The following SEC22A variants were observed in gnomAD, a reference collection of about 807,000 sequenced individuals.
SEC22A encodes the protein SEC22 homolog A, vesicle trafficking protein, also known as vesicle-trafficking protein SEC22a.
A neutral mutation model predicts 35.3 loss-of-function variants in SEC22A; 22 were observed. The ratio of observed to expected loss-of-function variants is 0.62; its 90% CI spans 0.45 to 0.89. SEC22A has a LOEUF of 0.89. Ranked by LOEUF, SEC22A falls within the 40% of genes least tolerant of loss-of-function variation. The probability of loss-of-function intolerance (pLI) is 0.00; values close to 1 mark genes in which losing one functional copy is unlikely to be tolerated. For synonymous variants in SEC22A, 119 were observed against 129.5 expected (o/e 0.92, Z 0.55); for missense variants, 354 against 362.5 (o/e 0.98, Z 0.19).
chr3:123,235,328 C>T (rs1461066895), intron 4 of SEC22A, among the ~76,000 whole-genome samples: 1 of 152,084 alleles, frequency 6.6e-6, no homozygotes, highest in African/African-American at 2.4e-5. Context: ...ACTGTTACAA[C>T]TAAACGATAA....
intron 5 of SEC22A, among the ~76,000 whole-genome samples, chr3:123,257,699 G>A (rs1177621898): frequency 2.0e-5 from 3 of 147,538 alleles, no homozygotes; most frequent in South Asian, 2.2e-4. Context: ...ACTCAATCTC[G>A]AAAGAAAGAG....
intron 4 of SEC22A, among the ~76,000 whole-genome samples, chr3:123,227,570 C>T (rs556918427): frequency 1.3e-5 from 2 of 151,844 alleles, no homozygotes; most frequent in South Asian, 2.1e-4. Context: ...CAAACCTGCA[C>T]GTTTTGCACA....
At chr3:123,251,799 G>A (rs1388098340) in intron 5 of SEC22A, among the ~76,000 whole-genome samples, 1 of 144,626 alleles carries the variant, frequency 6.9e-6, no homozygotes, top group African/African-American at 2.5e-5. Flanking sequence ...TCTGCATTGA[G>A]TACAACAATG....
chr3:123,239,707 C>T (rs538343100), intron 4 of SEC22A, among the ~76,000 whole-genome samples: 3 of 151,980 alleles, frequency 2.0e-5, no homozygotes, highest in African/African-American at 7.2e-5. Context: ...TGGTTGAGTT[C>T]ATTGTAGATT....
At chr3:123,265,235 C>T (rs1477051105) in intron 6 of SEC22A, among the ~76,000 whole-genome samples, 1 of 152,034 alleles carries the variant, frequency 6.6e-6, no homozygotes, top group Non-Finnish European at 1.5e-5. Context: ...AAATATTGTG[C>T]CATTTTATAT....
chr3:123,209,287 T>G lies in SEC22A; in HGVS notation c.70T>G (p.Tyr24Asp). The change falls in exon 2 of 7, where the codon TAT (tyrosine) becomes GAT (aspartate). Residue 24 changes from tyrosine (Y) to aspartate (D), a missense_variant. Tyr to Asp is a radical substitution (Grantham distance 160). Transcript: ENST00000492595. ...DGLPLSASTDYEQSTGMQECR... is the reference protein window; with the variant it reads ...DGLPLSASTDDEQSTGMQECR... ...ACTGCCACTTTCTGCTTCTACTGAT[T>G]ATGAACAAAGCACAGGAATGCAGGA... The G allele has an allele frequency of 6.2e-7, 1 of 1,614,112 alleles. No homozygotes were observed.
At chr3:123,271,430 T>G in intron 6 of SEC22A, 92 bp from the exon 7 acceptor site, 1 of 1,019,706 alleles carries the variant, frequency 9.8e-7, no homozygotes. Flanking sequence ...CATTCTTATA[T>G]TTTACTCTCT....
intron 6 of SEC22A, among the ~76,000 whole-genome samples, chr3:123,266,626 C>T (rs1191686266): frequency 6.6e-6 from 1 of 151,934 alleles, no homozygotes; most frequent in African/African-American, 2.4e-5. Context: ...AGTTTGATTC[C>T]ATTGTGATTA....
chr3:123,251,243 G>C (rs1285997334), intron 5 of SEC22A, among the ~76,000 whole-genome samples: 1 of 152,202 alleles, frequency 6.6e-6, no homozygotes, highest in Non-Finnish European at 1.5e-5. Flanking sequence ...TGGTGGTGGA[G>C]TGTGAAAGAA....
chr3:123,250,011 A>G (rs1026359940), intron 5 of SEC22A, among the ~76,000 whole-genome samples: 46 of 152,218 alleles, frequency 3.0e-4, no homozygotes, highest in African/African-American at 1.0e-3. Context: ...CAGAGGAGAG[A>G]AGAAAAATAT....
In SEC22A at chr3:123,259,504, C is replaced by A. The variant is rs781194985; in HGVS notation, c.658-20C>A. The A allele has an allele frequency of 1.6e-4, 255 of 1,586,392 alleles. No individual in the cohort carries two copies. Among genetic ancestry groups the A allele is most frequent in the Non-Finnish European group, 2.1e-4 (244 of 1,156,724 alleles). ...GGCTCCCACCGGAAACAAAAATAAT[C>A]TTTTATTTTGCTTTTGCAGAGTGAT... On this transcript the variant is annotated intron_variant, in intron 5 of 6. Transcript: ENST00000492595.
chr3:123,203,440 G>A (rs1237487713), intron 1 of SEC22A, among the ~76,000 whole-genome samples: 1 of 152,118 alleles, frequency 6.6e-6, no homozygotes, highest in African/African-American at 2.4e-5. Context: ...ACAAGGCAAT[G>A]TTTCAGGCAC....
intron 5 of SEC22A, among the ~76,000 whole-genome samples, chr3:123,254,636 CA>C (rs1937679240): frequency 6.6e-6 from 1 of 152,124 alleles, no homozygotes; most frequent in Non-Finnish European, 1.5e-5. Flanking sequence ...CAAACAATAA[CA>C]AAACCAAAAA....
chr3:123,230,112 C>G (rs1485582782), intron 4 of SEC22A, among the ~76,000 whole-genome samples: 1 of 152,088 alleles, frequency 6.6e-6, no homozygotes, highest in Non-Finnish European at 1.5e-5. Context: ...GCCCTCCAGC[C>G]TGGGCAGTAG....
chr3:123,255,085 T>A (rs12107502), intron 5 of SEC22A, among the ~76,000 whole-genome samples: 1 of 152,054 alleles, frequency 6.6e-6, no homozygotes, highest in Non-Finnish European at 1.5e-5. Flanking sequence ...AGTCTTATCT[T>A]ATGTACCCTC....
intron 2 of SEC22A, among the ~76,000 whole-genome samples, chr3:123,215,890 C>A (rs1430495676): frequency 6.6e-6 from 1 of 152,048 alleles, no homozygotes; most frequent in African/African-American, 2.4e-5. Flanking sequence ...TAATGAGGAA[C>A]AGAGTATGTG....
At chr3:123,269,625 A>ATTTTTTTTTTTTT (rs35895285) in intron 6 of SEC22A, among the ~76,000 whole-genome samples, 1 of 89,492 alleles carries the variant, frequency 1.1e-5, no homozygotes, top group Non-Finnish European at 2.2e-5. Context: ...AAGGACATGA[A>ATTTTTTTTTTTTT]TTTTTTTTTT....
intron 6 of SEC22A, among the ~76,000 whole-genome samples, chr3:123,265,953 A>G (rs1339070628): frequency 1.3e-5 from 2 of 152,200 alleles, no homozygotes; most frequent in African/African-American, 4.8e-5. Context: ...GTAGCCGTAT[A>G]ATAAGTCATA....
At chr3:123,220,440 A>G (rs1375727228) in intron 2 of SEC22A, among the ~76,000 whole-genome samples, 2 of 152,174 alleles carry the variant, frequency 1.3e-5, no homozygotes, top group Admixed American at 1.3e-4. Context: ...TTGACAAAGC[A>G]TATTTTGACC....
Sources: allele counts gnomAD v4.1 joint callset (sites outside exome capture counted in the v4.1 genomes callset), GRCh38; gene constraint gnomAD v4.1.1; transcripts MANE v1.5; gene names NCBI Gene and HGNC (gene_info 2026-07-23, HGNC 2026-07-21).